The following SHISA9 variants were observed in gnomAD, a reference collection of about 807,000 sequenced individuals.
SHISA9 encodes protein shisa-9.
SHISA9 carries 13 observed loss-of-function variants against 38.0 expected under a neutral mutation model. That is an observed-to-expected ratio of 0.34 (90% CI 0.22 to 0.54). The LOEUF is 0.54. Among genes scored for constraint, SHISA9 ranks in the 20% least tolerant of loss-of-function variants. SHISA9 has a pLI of 0.91. For missense variants in SHISA9, 538 were observed against 575.8 expected (o/e 0.93, Z 0.67); for synonymous variants, 275 against 242.0 (o/e 1.14, Z -1.27).
chr16:13,383,878 C>G, the SHISA9 span, among the ~76,000 whole-genome samples: 6 of 152,234 alleles, frequency 3.9e-5, no homozygotes, highest in Non-Finnish European at 8.8e-5. Context: ...TGGTCTCAAA[C>G]TCCTGAGCTC....
intron 2 of SHISA9, among the ~76,000 whole-genome samples, chr16:12,970,198 T>C (rs1567356627): frequency 1.4e-5 from 2 of 148,044 alleles, no homozygotes; most frequent in South Asian, 2.1e-4. Flanking sequence ...ATGACAGATT[T>C]AGGGGGTACA....
At chr16:13,044,327 A>G (rs1369498668) in intron 2 of SHISA9, among the ~76,000 whole-genome samples, 3 of 152,214 alleles carry the variant, frequency 2.0e-5, no homozygotes, top group Non-Finnish European at 4.4e-5. Flanking sequence ...TGGATTTAGA[A>G]AGACATCAGT....
chr16:13,185,586 G>T lies in SHISA9; in HGVS notation c.692-17808G>T, dbSNP rs557857458. 2.6e-5 allele frequency among the ~76,000 whole-genome samples: 4 copies of T among 152,318 alleles called. No individual in the cohort carries two copies. The East Asian group carries it at 5.8e-4, about 22-fold the overall frequency. ...AGGCAAGCCCCAATTTGAAACAGAT[G>T]TTGCCTCTAATCTCTCTTTGTACCT... On this transcript the variant is annotated intron_variant, in intron 2 of 4. Coordinates refer to ENST00000558583, the MANE Select transcript of SHISA9 (RefSeq NM_001145204.3).
chr16:13,550,045 A>G, the SHISA9 span, among the ~76,000 whole-genome samples: 3 of 151,460 alleles, frequency 2.0e-5, no homozygotes, highest in East Asian at 1.9e-4. Context: ...AATAAAGTAT[A>G]TATATTAGAG....
chr16:13,432,490 C>G, the SHISA9 span, among the ~76,000 whole-genome samples: 110 of 152,286 alleles, frequency 7.2e-4, 1 homozygote, highest in African/African-American at 2.5e-3. Flanking sequence ...AGTTTGCATT[C>G]TAGACAAGGC....
the SHISA9 span, among the ~76,000 whole-genome samples, chr16:13,394,376 A>C: frequency 1.3e-5 from 2 of 152,190 alleles, no homozygotes; most frequent in African/African-American, 2.4e-5. Context: ...ACTGATGAAG[A>C]AATAATGTGA....
intron 2 of SHISA9, among the ~76,000 whole-genome samples, chr16:13,150,905 C>T (rs2050493486): frequency 6.6e-6 from 1 of 152,212 alleles, no homozygotes; most frequent in African/African-American, 2.4e-5. Flanking sequence ...TAATCCTTCC[C>T]TCATTTCTTC....
At chr16:12,993,781 T>C (rs1329075132) in intron 2 of SHISA9, among the ~76,000 whole-genome samples, 4 of 152,108 alleles carry the variant, frequency 2.6e-5, no homozygotes, top group Admixed American at 2.6e-4. Context: ...CAAAAGGCCA[T>C]TCTGAGCAAG....
the SHISA9 span, among the ~76,000 whole-genome samples, chr16:13,376,233 A>G: frequency 0.011 from 1,679 of 152,362 alleles, 43 homozygotes; most frequent in African/African-American, 0.039. Flanking sequence ...ACACAAATGT[A>G]TAATCCTCCC....
At chr16:13,330,086 G>A in the SHISA9 span, among the ~76,000 whole-genome samples, 2 of 152,202 alleles carry the variant, frequency 1.3e-5, no homozygotes, top group Non-Finnish European at 1.5e-5. Flanking sequence ...CACATTGTAA[G>A]TTATCAGTTA....
chr16:13,072,468 G>T (rs537467875), intron 2 of SHISA9, among the ~76,000 whole-genome samples: 23 of 152,260 alleles, frequency 1.5e-4, no homozygotes, highest in Middle Eastern at 6.8e-3. Context: ...CGAAATTCCA[G>T]CCGGAGGCCT....
intron 2 of SHISA9, among the ~76,000 whole-genome samples, chr16:12,966,828 G>C (rs913600995): frequency 6.6e-6 from 1 of 152,182 alleles, no homozygotes; most frequent in Non-Finnish European, 1.5e-5. Context: ...TTTGAACATG[G>C]GAAAGACTCA....
intron 2 of SHISA9, among the ~76,000 whole-genome samples, chr16:13,123,843 G>T (rs1230543464): frequency 1.3e-5 from 2 of 152,190 alleles, no homozygotes; most frequent in Non-Finnish European, 2.9e-5. Context: ...TGTATGAGCT[G>T]TGGGAACTGG....
intron 2 of SHISA9, among the ~76,000 whole-genome samples, chr16:13,176,682 T>G (rs560865613): frequency 1.2e-4 from 18 of 152,224 alleles, no homozygotes; most frequent in Admixed American, 3.3e-4. Flanking sequence ...TGAGCTGGCT[T>G]TTTGACTCAC....
the SHISA9 span, among the ~76,000 whole-genome samples, chr16:13,299,861 T>C: frequency 1.3e-5 from 2 of 152,228 alleles, no homozygotes; most frequent in African/African-American, 2.4e-5. Flanking sequence ...TTAACTGCTC[T>C]GTGCCTCAGT....
downstream of SHISA9, among the ~76,000 whole-genome samples, chr16:13,242,869 C>A (rs900177554): frequency 6.6e-6 from 1 of 152,150 alleles, no homozygotes; most frequent in African/African-American, 2.4e-5. Flanking sequence ...ATTATAGTAA[C>A]AAATTCTGAG....
intron 2 of SHISA9, among the ~76,000 whole-genome samples, chr16:13,133,445 A>G (rs1596671132): frequency 6.6e-6 from 1 of 152,212 alleles, no homozygotes; most frequent in East Asian, 1.9e-4. Flanking sequence ...TGTCTTTATC[A>G]ATTCAGGTTC....
chr16:13,307,492 G>A, the SHISA9 span, among the ~76,000 whole-genome samples: 1 of 152,168 alleles, frequency 6.6e-6, no homozygotes, highest in Non-Finnish European at 1.5e-5. Context: ...TGTATCTGCT[G>A]TAGGAGATCA....
intron 2 of SHISA9, among the ~76,000 whole-genome samples, chr16:13,006,296 T>C (rs534761005): frequency 6.6e-6 from 1 of 152,180 alleles, no homozygotes; most frequent in South Asian, 2.1e-4. Flanking sequence ...CTTCTAAATC[T>C]GAAATGGGAG....
Sources: allele counts gnomAD v4.1 joint callset (sites outside exome capture counted in the v4.1 genomes callset), GRCh38; gene constraint gnomAD v4.1.1; transcripts MANE v1.5; gene names NCBI Gene and HGNC (gene_info 2026-07-23, HGNC 2026-07-21).